UBN1: variants seen among roughly 807,000 people sequenced by gnomAD.
The protein encoded by UBN1 is ubinuclein 1, also known as ubinuclein-1.
UBN1 carries 17 observed loss-of-function variants against 108.5 expected under a neutral mutation model. The observed-to-expected ratio is 0.16, with a 90% CI of 0.11 to 0.24. UBN1 has a LOEUF of 0.24. Ranked by LOEUF, UBN1 falls within the 10% of genes least tolerant of loss-of-function variation. The pLI, the probability that UBN1 is intolerant of heterozygous loss-of-function variation, is 1.00. For missense variants in UBN1, 1,595 were observed against 1,394.4 expected (o/e 1.14, Z -2.29); for synonymous variants, 726 against 564.2 (o/e 1.29, Z -4.07).
intron 7 of UBN1, among the ~76,000 whole-genome samples, chr16:4,868,223 C>A (rs565086309): frequency 6.6e-6 from 1 of 152,148 alleles, no homozygotes; most frequent in Non-Finnish European, 1.5e-5. Context: ...TGTGTGTTAA[C>A]TGTGTTCTTT....
chr16:4,865,368 T>C (rs1046984653), intron 7 of UBN1, among the ~76,000 whole-genome samples: 2 of 152,314 alleles, frequency 1.3e-5, no homozygotes, highest in African/African-American at 4.8e-5. Flanking sequence ...TTCTGAAATA[T>C]TGTACAAGTG....
Position 4,880,314 on chromosome 16 carries a change from C to T in UBN1, c.*182C>T. Reference sequence around the variant, plus strand: ...TCCCATGGAGGGAGCCGGGCCCTTGCTGCTCAGGAGGTGCAGACTGCCCCG... The same window carrying T: ...TCCCATGGAGGGAGCCGGGCCCTTGTTGCTCAGGAGGTGCAGACTGCCCCG... On this transcript the variant is annotated 3_prime_UTR_variant, in exon 18 of 18. Coordinates refer to ENST00000262376, the MANE Select transcript of UBN1 (RefSeq NM_001079514.3). 3.0e-6 allele frequency: 2 copies of T among 660,980 alleles called. No homozygotes were observed. The highest frequency in any genetic ancestry group is 5.3e-6 in the Non-Finnish European group (2 of 380,624). 40.9% of individuals were successfully genotyped at this position (660,980 alleles called of 1,614,324 possible). A position where few individuals can be genotyped will look rare whatever the true frequency, so the allele number is the denominator to read the frequency against.
rs536476688 is a variant in UBN1, at chr16:4,877,636, C to T, written c.3355+162C>T. The T allele has an allele frequency of 7.2e-5, 97 of 1,350,496 alleles. No homozygotes were observed. In the African/African-American group the frequency reaches 1.1e-3, roughly 15 times the overall value. The allele number at this position is 1,350,496 out of a possible 1,614,324, so 83.7% of individuals were successfully genotyped here. ...TGCTTTGTCAGTACTCAGGGTGACA[C>T]GCACTTCTACTCTTGGGGTTTCCTC... is the stretch of plus-strand genomic sequence containing the variant. On this transcript the variant is annotated intron_variant, in intron 17 of 17. Coordinates refer to ENST00000262376, the MANE Select transcript of UBN1 (RefSeq NM_001079514.3). The surrounding 1 kb of genome is among the most constrained non-coding windows in gnomAD (Gnocchi z 4.3).
In UBN1 at chr16:4,877,156, T is replaced by C. The variant is rs777003073; in HGVS notation, c.3265+45T>C. ...CTCTGGTCACTCAGGAACCTCTAGA[T>C]TGTGGCCAGGGGTCCTGCTGTTGTG... On this transcript the variant is annotated intron_variant, in intron 16 of 17. Coordinates refer to ENST00000262376, the MANE Select transcript of UBN1 (RefSeq NM_001079514.3). The surrounding 1 kb of genome is among the most constrained non-coding windows in gnomAD (Gnocchi z 4.3). 6.4e-7 allele frequency: 1 copy of C among 1,559,948 alleles called. No homozygotes were observed. Among genetic ancestry groups the C allele is most frequent in the Non-Finnish European group, 8.7e-7 (1 of 1,156,036 alleles).
chr16:4,872,636 T>C (rs764199687), intron 12 of UBN1, among the ~76,000 whole-genome samples: 9 of 152,118 alleles, frequency 5.9e-5, no homozygotes, highest in Non-Finnish European at 8.8e-5. Flanking sequence ...GCCTGGCTAA[T>C]TTTAGTATTT....
intron 7 of UBN1, among the ~76,000 whole-genome samples, chr16:4,868,426 G>C (rs892776629): frequency 6.6e-6 from 1 of 152,200 alleles, no homozygotes; most frequent in Non-Finnish European, 1.5e-5. Flanking sequence ...TAGATAAAAA[G>C]GCCTTTAAAT....
chr16:4,847,495 C>A lies in UBN1; in HGVS notation c.-755C>A, dbSNP rs1340502448. The A allele has an allele frequency of 1.6e-5, 9 of 561,536 alleles. No individual in the cohort carries two copies. The highest frequency in any genetic ancestry group is 3.6e-5 in the East Asian group (1 of 28,078). 34.8% of individuals were successfully genotyped at this position (561,536 alleles called of 1,614,324 possible). On this transcript the variant is annotated 5_prime_UTR_variant, in exon 1 of 18. Coordinates refer to ENST00000262376, the MANE Select transcript of UBN1 (RefSeq NM_001079514.3). ...CAGAGACTCCCGGCTCCTTCCCCCTCCCTTCGGCTCGTGACAACGAAGCGC... is the reference window on the plus strand; with the variant it reads ...CAGAGACTCCCGGCTCCTTCCCCCTACCTTCGGCTCGTGACAACGAAGCGC...
At chr16:4,852,225 A>G (rs765483863) in intron 1 of UBN1, 2 of 152,282 alleles carry the variant, frequency 1.3e-5, no homozygotes, top group Non-Finnish European at 2.9e-5. Context: ...TTCTGTGAAC[A>G]TTTGGAATTC....
At chr16:4,849,953 A>AAAAAAAAAC (rs1186898636) in intron 1 of UBN1, among the ~76,000 whole-genome samples, 5 of 149,356 alleles carry the variant, frequency 3.3e-5, no homozygotes, top group African/African-American at 1.2e-4. Flanking sequence ...GTCTCACAAA[A>AAAAAAAAAC]AAAAAAAAAA....
At chr16:4,854,912 C>T (rs943015115) in intron 2 of UBN1, among the ~76,000 whole-genome samples, 5 of 151,968 alleles carry the variant, frequency 3.3e-5, no homozygotes, top group Admixed American at 6.5e-5. Context: ...TTAGTAGAGA[C>T]AGGGTTCCAC....
At chr16:4,870,432 G>C (rs889527927) in intron 9 of UBN1, 84 bp from the exon 10 acceptor site, 1 of 1,609,532 alleles carries the variant, frequency 6.2e-7, no homozygotes, top group East Asian at 2.2e-5. Context: ...CTGCCCCACT[G>C]CCTCCTTGTG....
chr16:4,875,583 C>G lies in UBN1; in HGVS notation c.3024+149C>G. 5.7e-6 allele frequency: 7 copies of G among 1,226,798 alleles called. No homozygotes were observed. In the South Asian group the frequency reaches 1.1e-4, roughly 19 times the overall value. The allele number at this position is 1,226,798 out of a possible 1,614,324, so 76.0% of individuals were successfully genotyped here. ...CAGACGTAGGAAGGGAGACTGGGCT[C>G]CCTGTTCTCAGGTATTCACTTTTCT... On this transcript the variant is annotated intron_variant, in intron 15 of 17. Coordinates refer to ENST00000262376, the MANE Select transcript of UBN1 (RefSeq NM_001079514.3).
At position 4,870,840 on chromosome 16, in the gene UBN1, G is replaced by T. The variant is rs114218200; in HGVS notation, c.1431-4G>T. The T allele has an allele frequency of 6.2e-7, 1 of 1,613,698 alleles. No individual in the cohort carries two copies. Among genetic ancestry groups the T allele is most frequent in the South Asian group, 1.1e-5 (1 of 91,044 alleles). On this transcript the variant is annotated splice_region_variant and splice_polypyrimidine_tract_variant and intron_variant, in intron 10 of 17. Coordinates refer to ENST00000262376, the MANE Select transcript of UBN1 (RefSeq NM_001079514.3). ...GGCCCCATGTAATTCTATTCACCCC[G>T]TAGGATGCTGGAAGAGGAGAAAGAC...
chr16:4,854,277 C>A (rs2086692069), intron 2 of UBN1, among the ~76,000 whole-genome samples: 1 of 151,914 alleles, frequency 6.6e-6, no homozygotes, highest in South Asian at 2.1e-4. Context: ...TTGTGATCCA[C>A]CCACCTTGGC....
At chr16:4,873,879 T>C (rs2087754686) in intron 14 of UBN1, among the ~76,000 whole-genome samples, 1 of 152,160 alleles carries the variant, frequency 6.6e-6, no homozygotes, top group Non-Finnish European at 1.5e-5. Context: ...GCTGAGACAG[T>C]GGGAATGCCA....
rs769370717 is a variant in UBN1 at position 4,875,327 on chromosome 16, C to A, written c.2917C>A (p.Pro973Thr). The change falls in exon 15 of 18, where the codon CCA (proline) becomes ACA (threonine). Residue 973 changes from proline to threonine, a missense_variant. Coordinates refer to ENST00000262376, the MANE Select transcript of UBN1 (RefSeq NM_001079514.3). Reference protein sequence around the residue: ...KLTLVAPPGGPNGDSSGGTQG... With the variant: ...KLTLVAPPGGTNGDSSGGTQG... ...GACTCTGGTAGCCCCTCCAGGCGGTCCAAACGGAGATTCCAGTGGTGGGAC... is the reference window on the plus strand; with the variant it reads ...GACTCTGGTAGCCCCTCCAGGCGGTACAAACGGAGATTCCAGTGGTGGGAC... The A allele has an allele frequency of 1.2e-6, 2 of 1,614,240 alleles. No individual in the cohort carries two copies. Among genetic ancestry groups the A allele is most frequent in the Non-Finnish European group, 1.7e-6 (2 of 1,180,050 alleles).
intron 13 of UBN1, 29 bp downstream of exon 13, chr16:4,872,963 G>A (rs2087716405): frequency 6.2e-7 from 1 of 1,614,184 alleles, no homozygotes; most frequent in East Asian, 2.2e-5. Context: ...TCACATCTCG[G>A]GACAAGTGTT....
rs1353371293 is a variant in UBN1 at position 4,881,933 on chromosome 16, C to G, written c.*1801C>G. ...CCGGGTCCCAGGCCCTCCTTCCTTTCCCTTTGGTGCTCCCTCCTCCCCACG... is the reference window on the plus strand; with the variant it reads ...CCGGGTCCCAGGCCCTCCTTCCTTTGCCTTTGGTGCTCCCTCCTCCCCACG... On this transcript the variant is annotated 3_prime_UTR_variant, in exon 18 of 18. Coordinates refer to ENST00000262376, the MANE Select transcript of UBN1 (RefSeq NM_001079514.3). 6.6e-6 allele frequency: 1 copy of G among 152,240 alleles called. No homozygotes were observed. Among genetic ancestry groups the G allele is most frequent in the African/African-American group, 2.4e-5 (1 of 41,278 alleles). 9.4% of individuals were successfully genotyped at this position (152,240 alleles called of 1,614,324 possible). A position where few individuals can be genotyped will look rare whatever the true frequency, so the allele number is the denominator to read the frequency against.
In UBN1 at chr16:4,866,523, T is replaced by C. The variant is rs370569651; in HGVS notation, c.1111-2310T>C. Among the ~76,000 whole-genome samples, 54 of 152,338 alleles carry C rather than the reference T, an allele frequency of 3.5e-4. 1 individual carries two copies. The South Asian group carries it at 0.011, about 30-fold the overall frequency. ...TCAGTTCTATATTTTATTTTATTAT[T>C]ATTTTTTAAGACAGGGTCTTGCTCT... On this transcript the variant is annotated intron_variant, in intron 7 of 17. Coordinates refer to ENST00000262376, the MANE Select transcript of UBN1 (RefSeq NM_001079514.3).
Sources: allele counts gnomAD v4.1 joint callset (sites outside exome capture counted in the v4.1 genomes callset), GRCh38; gene constraint gnomAD v4.1.1; non-coding constraint Gnocchi (gnomAD v3.1); transcripts MANE v1.5; gene names NCBI Gene and HGNC (gene_info 2026-07-23, HGNC 2026-07-21).